CCDC144A: variants seen among roughly 807,000 people sequenced by gnomAD.
CCDC144A encodes the protein coiled-coil domain containing 144A.
A neutral mutation model predicts 143.8 loss-of-function variants in CCDC144A; 41 were observed. The observed-to-expected ratio is 0.29, with a 90% confidence interval of 0.22 to 0.37. CCDC144A has a LOEUF of 0.37. Ranked by LOEUF, CCDC144A falls within the 10% of genes least tolerant of loss-of-function variation. CCDC144A has a pLI of 1.00. For missense variants in CCDC144A, 637 were observed against 1,488.8 expected, an observed-to-expected ratio of 0.43 and a Z score of 9.41; for synonymous variants, 242 against 517.9, an observed-to-expected ratio of 0.47 and a Z score of 7.23.
At chr17:16,755,068 G>C (rs1473818370) in intron 12 of CCDC144A, among the ~76,000 whole-genome samples, 1 of 152,018 alleles carries the variant, frequency 6.6e-6, no homozygotes, top group African/African-American at 2.4e-5. Context: ...GTGTGCTTTT[G>C]GTTTCCATTT....
intron 12 of CCDC144A, among the ~76,000 whole-genome samples, chr17:16,754,840 A>G (rs1475772831): frequency 5.3e-5 from 8 of 152,170 alleles, no homozygotes; most frequent in Admixed American, 2.0e-4. Flanking sequence ...GTCCCCATCT[A>G]TTATTGTACT....
At chr17:16,721,299 T>C (rs1476273956) in intron 8 of CCDC144A, among the ~76,000 whole-genome samples, 1 of 152,022 alleles carries the variant, frequency 6.6e-6, no homozygotes, top group Non-Finnish European at 1.5e-5. Context: ...TCATCATCCA[T>C]AAAAGTCTCT....
chr17:16,679,216 G>A, the CCDC144A span, among the ~76,000 whole-genome samples: 1 of 152,040 alleles, frequency 6.6e-6, no homozygotes, highest in South Asian at 2.1e-4. Flanking sequence ...AGGCCTAGAA[G>A]GATGTTTTTG....
the CCDC144A span, among the ~76,000 whole-genome samples, chr17:16,669,811 T>A: frequency 6.6e-6 from 1 of 152,206 alleles, no homozygotes; most frequent in Non-Finnish European, 1.5e-5. Flanking sequence ...TGGAGCCTGC[T>A]ACTTCATCTC....
Position 16,734,793 on chromosome 17 carries a change from A to G in CCDC144A, c.2522A>G (p.Gln841Arg), listed in dbSNP as rs2143247716. The G allele has an allele frequency of 6.5e-7, 1 of 1,550,360 alleles. No individual in the cohort carries two copies. The highest frequency in any genetic ancestry group is 2.3e-5 in the East Asian group (1 of 43,080). The part of the protein sequence containing the change: ...LRLEIDTIKN[Q>R]NKQKEKKYFE... ...CTGGAAATAGATACAATAAAAAATC[A>G]GAACAAGCAAAAGGAAAAGAAATAT... is the stretch of plus-strand genomic sequence containing the variant. The change falls in exon 12 of 17, where the codon CAG becomes CGG. Residue 841 changes from glutamine (Q) to arginine (R), a missense_variant. Gln to Arg is a conservative substitution (Grantham distance 43, BLOSUM62 1). Coordinates refer to ENST00000399273, the MANE Select transcript of CCDC144A (RefSeq NM_001382000.1).
upstream of CCDC144A, among the ~76,000 whole-genome samples, chr17:16,687,944 C>T (rs920335555): frequency 1.3e-5 from 2 of 151,178 alleles, no homozygotes; most frequent in African/African-American, 4.9e-5. Context: ...GTAGTTGATA[C>T]ATCTGTGGCC....
At chr17:16,719,575 CT>C (rs1220486337) in intron 6 of CCDC144A, among the ~76,000 whole-genome samples, 1 of 152,178 alleles carries the variant, frequency 6.6e-6, no homozygotes, top group Non-Finnish European at 1.5e-5. Context: ...TACTGACCAG[CT>C]ATATGGGCTG....
chr17:16,704,282 G>A (rs752387920), intron 2 of CCDC144A, among the ~76,000 whole-genome samples: 7 of 151,964 alleles, frequency 4.6e-5, no homozygotes, highest in Non-Finnish European at 5.9e-5. Flanking sequence ...GTGAAACCCC[G>A]TCTCTACTAA....
the CCDC144A span, among the ~76,000 whole-genome samples, chr17:16,668,035 TA>T: frequency 6.7e-6 from 1 of 148,536 alleles, no homozygotes; most frequent in Non-Finnish European, 1.5e-5. Context: ...TTTTGCGACA[TA>T]AAAAAATGTC....
intron 12 of CCDC144A, among the ~76,000 whole-genome samples, chr17:16,751,757 A>G (rs1914803252): frequency 6.6e-6 from 1 of 152,202 alleles, no homozygotes; most frequent in African/African-American, 2.4e-5. Context: ...AATGTGGGTC[A>G]AGGGGGGAGG....
the CCDC144A span, among the ~76,000 whole-genome samples, chr17:16,681,573 G>A: frequency 2.0e-5 from 3 of 152,072 alleles, no homozygotes; most frequent in Middle Eastern, 3.4e-3. Context: ...AAACAGGAGC[G>A]TTGGCCGGGC....
chr17:16,725,033 T>G (rs74392366), intron 8 of CCDC144A, among the ~76,000 whole-genome samples: 11,726 of 93,258 alleles, frequency 0.13, 789 homozygotes, highest in African/African-American at 0.2. Flanking sequence ...TTTTTTTTTT[T>G]TGTGTGAAAT....
upstream of CCDC144A, among the ~76,000 whole-genome samples, chr17:16,686,868 G>C (rs1242506198): frequency 5.3e-5 from 8 of 152,038 alleles, no homozygotes; most frequent in East Asian, 7.7e-4. Context: ...CCTCAGGGAT[G>C]CAGGAATAGG....
At chr17:16,681,992 A>C in the CCDC144A span, among the ~76,000 whole-genome samples, 1 of 152,064 alleles carries the variant, frequency 6.6e-6, no homozygotes, top group Admixed American at 6.6e-5. Context: ...TGGCTAGCCT[A>C]TAATTTTGAG....
chr17:16,748,680 A>G (rs1449607303), intron 12 of CCDC144A, among the ~76,000 whole-genome samples: 1 of 152,110 alleles, frequency 6.6e-6, no homozygotes, highest in Non-Finnish European at 1.5e-5. Context: ...TTTTCTTTGT[A>G]TGTCTGGTAG....
At chr17:16,746,878 C>G in intron 12 of CCDC144A, 1 of 688,198 alleles carries the variant, frequency 1.5e-6, no homozygotes, top group Non-Finnish European at 2.5e-6. Flanking sequence ...CCTTCTCTCC[C>G]TTCTCTCCCT....
the CCDC144A span, among the ~76,000 whole-genome samples, chr17:16,676,843 T>A: frequency 5.9e-5 from 9 of 152,148 alleles, no homozygotes; most frequent in Non-Finnish European, 1.3e-4. Flanking sequence ...TATAATCGAA[T>A]GTCTTCCAGA....
intron 5 of CCDC144A, 87 bp downstream of exon 5, chr17:16,709,722 A>G: frequency 6.7e-7 from 1 of 1,487,650 alleles, no homozygotes. Context: ...GCATATGAAA[A>G]GCATACAGTT....
chr17:16,773,270 C>T (rs367567944), intron 16 of CCDC144A, among the ~76,000 whole-genome samples: 6 of 151,870 alleles, frequency 4.0e-5, no homozygotes, highest in South Asian at 2.1e-4. Context: ...GCCAACATGA[C>T]GAAACCCTGC....
Sources: allele counts gnomAD v4.1 joint callset (sites outside exome capture counted in the v4.1 genomes callset), GRCh38; gene constraint gnomAD v4.1.1; transcripts MANE v1.5; gene names NCBI Gene and HGNC (gene_info 2026-07-23, HGNC 2026-07-21).